Variants in ADAM23 observed in about 807,000 individuals in gnomAD.
ADAM23 encodes ADAM metallopeptidase domain 23, also known as disintegrin and metalloproteinase domain-containing protein 23.
Under a neutral mutation model 120.1 loss-of-function variants are expected in ADAM23, and 33 were observed. The observed-to-expected ratio is 0.27, with a 90% CI of 0.21 to 0.37. The LOEUF (loss-of-function observed/expected upper bound fraction) is 0.37, where lower values mean the gene tolerates loss of function less well. Among genes scored for constraint, ADAM23 ranks in the 10% least tolerant of loss-of-function variants. The pLI is 1.00. For missense variants in ADAM23, 862 were observed against 1,058.2 expected, an observed-to-expected ratio of 0.81 and a Z score of 2.57; for synonymous variants, 367 against 375.2, an observed-to-expected ratio of 0.98 and a Z score of 0.25.
chr2:206,580,382 G>A (rs746442520), intron 18 of ADAM23, among the ~76,000 whole-genome samples: 2 of 152,126 alleles, frequency 1.3e-5, no homozygotes, highest in Non-Finnish European at 2.9e-5. Flanking sequence ...TTACATTGAG[G>A]TATGTCCCTT....
chr2:206,460,371 C>T (rs1695390902), intron 2 of ADAM23, among the ~76,000 whole-genome samples: 1 of 152,188 alleles, frequency 6.6e-6, no homozygotes, highest in Non-Finnish European at 1.5e-5. Context: ...TTCTCCACAT[C>T]CTTACCAGCA....
chr2:206,493,263 A>C (rs1454132986), intron 3 of ADAM23, among the ~76,000 whole-genome samples: 3 of 152,234 alleles, frequency 2.0e-5, no homozygotes, highest in African/African-American at 7.2e-5. Context: ...TATTTATAAA[A>C]GTACTCTCTT....
At chr2:206,550,474 C>CT (rs973469929) in intron 9 of ADAM23, among the ~76,000 whole-genome samples, 18 of 151,912 alleles carry the variant, frequency 1.2e-4, no homozygotes, top group Non-Finnish European at 2.2e-4. Context: ...TTATTCCGTG[C>CT]TTTTGTCCTG....
chr2:206,496,143 A>G (rs186760284), intron 3 of ADAM23, among the ~76,000 whole-genome samples: 1 of 152,304 alleles, frequency 6.6e-6, no homozygotes, highest in African/African-American at 2.4e-5. Flanking sequence ...GCTCTGCACC[A>G]AGCAGACCTA....
intron 2 of ADAM23, among the ~76,000 whole-genome samples, chr2:206,475,203 T>A (rs1695752005): frequency 6.6e-6 from 1 of 152,202 alleles, no homozygotes; most frequent in Admixed American, 6.5e-5. Context: ...GATTAAAATG[T>A]AAGAAATGTG....
rs1197046166 is a variant in ADAM23, at chr2:206,618,047, T to C, written c.*420T>C. Reference sequence around the variant, plus strand: ...ATGATTTTTTTTTCTTTACTACCGATGACAAACTCCAGTGGCATGAAGATC... The same window carrying C: ...ATGATTTTTTTTTCTTTACTACCGACGACAAACTCCAGTGGCATGAAGATC... On this transcript the variant is annotated 3_prime_UTR_variant, in exon 26 of 26. Coordinates refer to ENST00000264377, the MANE Select transcript of ADAM23 (RefSeq NM_003812.4). The C allele has an allele frequency of 6.3e-6, 1 of 159,510 alleles. No homozygotes were observed. Among genetic ancestry groups the C allele is most frequent in the African/African-American group, 2.4e-5 (1 of 41,514 alleles). 9.9% of individuals were successfully genotyped at this position (159,510 alleles called of 1,614,324 possible).
intron 17 of ADAM23, 71 bp downstream of exon 17, chr2:206,571,887 GC>G: frequency 1.5e-6 from 2 of 1,354,370 alleles, no homozygotes; most frequent in Non-Finnish European, 2.1e-6. Context: ...TGTACACTGA[GC>G]ATTTGTGTAG....
rs1697330632 is a variant in ADAM23, at chr2:206,543,284, A to G, written c.688A>G (p.Met230Val). 11 of 1,614,102 alleles carry G rather than the reference A, an allele frequency of 6.8e-6. No homozygotes were observed. Among genetic ancestry groups the G allele is most frequent in the African/African-American group, 1.3e-5 (1 of 75,054 alleles). Reference sequence around the variant, plus strand: ...GTTTGAAGATGATACCTTCGTGTATATGATAGAGCCACTAGAGCTGGTTCA... The same window carrying G: ...GTTTGAAGATGATACCTTCGTGTATGTGATAGAGCCACTAGAGCTGGTTCA... ...GMFEDDTFVYMIEPLELVHDE... is the reference protein window; with the variant it reads ...GMFEDDTFVYVIEPLELVHDE... Residue 230 changes from methionine to valine, a missense_variant, in exon 6 of 26, where the codon ATG becomes GTG. By Grantham distance (21) the Met-to-Val change is conservative (BLOSUM62 1). Transcript: ENST00000264377.
chr2:206,560,993 G>C, intron 11 of ADAM23, 135 bp from the exon 12 acceptor site: 1 of 654,704 alleles, frequency 1.5e-6, no homozygotes. Flanking sequence ...TTTTAAGGTA[G>C]TTGAAATAAA....
At chr2:206,592,845 G>A in intron 22 of ADAM23, 109 bp downstream of exon 22, 5 of 1,337,700 alleles carry the variant, frequency 3.7e-6, no homozygotes, top group Non-Finnish European at 5.1e-6. Flanking sequence ...TTTTACAAGA[G>A]GAAAGTTAAT....
In ADAM23 at chr2:206,445,503, A is replaced by G; in HGVS notation, c.411A>G (p.Arg137=). 1.9e-6 allele frequency: 3 copies of G among 1,613,922 alleles called. No individual in the cohort carries two copies. Among genetic ancestry groups the G allele is most frequent in the Non-Finnish European group, 2.5e-6 (3 of 1,179,952 alleles). The change falls in exon 2 of 26, where the codon AGA becomes AGG. Residue 137 remains arginine, a synonymous_variant. Transcript: ENST00000264377. ...ATCACGTTCTTGACACAAAGGCAAGACACCAGCAAAAACATAATAAGGTAG... is the reference window on the plus strand; with the variant it reads ...ATCACGTTCTTGACACAAAGGCAAGGCACCAGCAAAAACATAATAAGGTAG... ...SPYHVLDTKA[R]HQQKHNKAVH... is the part of the protein sequence containing the mutation.
intron 3 of ADAM23, among the ~76,000 whole-genome samples, chr2:206,499,207 T>C (rs1210320211): frequency 6.6e-6 from 1 of 151,938 alleles, no homozygotes; most frequent in Non-Finnish European, 1.5e-5. Flanking sequence ...GTATGTTTAT[T>C]GTGGCACTAT....
intron 21 of ADAM23, among the ~76,000 whole-genome samples, chr2:206,590,746 G>A (rs1250370078): frequency 1.3e-5 from 2 of 152,188 alleles, no homozygotes; most frequent in East Asian, 3.9e-4. Context: ...CATAAGTGAA[G>A]CACAGATGTT....
chr2:206,519,700 C>G (rs192697275), intron 3 of ADAM23, among the ~76,000 whole-genome samples: 9 of 152,226 alleles, frequency 5.9e-5, no homozygotes, highest in Admixed American at 5.9e-4. Flanking sequence ...GTGACAATTA[C>G]TTAAACATAT....
chr2:206,550,270 G>C, intron 9 of ADAM23, 110 bp downstream of exon 9: 1 of 532,644 alleles, frequency 1.9e-6, no homozygotes, highest in East Asian at 3.5e-5. Context: ...AAGATATTCA[G>C]ACATATTAAG....
At chr2:206,495,735 T>C (rs1696230756) in intron 3 of ADAM23, among the ~76,000 whole-genome samples, 1 of 152,156 alleles carries the variant, frequency 6.6e-6, no homozygotes, top group African/African-American at 2.4e-5. Context: ...GACCCATCAG[T>C]GTGCTATGTT....
intron 25 of ADAM23, among the ~76,000 whole-genome samples, chr2:206,615,612 C>A (rs1025100698): frequency 5.9e-5 from 9 of 152,162 alleles, no homozygotes; most frequent in Non-Finnish European, 1.3e-4. Flanking sequence ...GCTGGGACAT[C>A]AGTGGAAGAG....
intron 1 of ADAM23, 37 bp downstream of exon 1, chr2:206,444,117 C>T (rs1172547663): frequency 4.8e-6 from 6 of 1,251,908 alleles, no homozygotes; most frequent in South Asian, 6.1e-5. Flanking sequence ...TTGGCTTTCC[C>T]GCGGGGCCCT....
At chr2:206,524,096 T>A (rs1696898795) in intron 3 of ADAM23, among the ~76,000 whole-genome samples, 1 of 152,194 alleles carries the variant, frequency 6.6e-6, no homozygotes, top group African/African-American at 2.4e-5. Flanking sequence ...TTAAGTACTT[T>A]CAAGCAGCAG....
Sources: gnomAD v4.1 joint callset for allele counts (sites outside exome capture counted in the v4.1 genomes callset) on GRCh38, gnomAD v4.1.1 for gene constraint, MANE v1.5 for transcripts, NCBI Gene and HGNC (gene_info 2026-07-23, HGNC 2026-07-21) for gene names.